DDX19A: variants seen among roughly 807,000 people sequenced by gnomAD.
DDX19A encodes the protein DEAD-box helicase 19A.
In DDX19A, 12 loss-of-function variants were observed where a neutral mutation model predicts 60.6. The ratio of observed to expected loss-of-function variants is 0.20; its 90% CI spans 0.13 to 0.32. The LOEUF is 0.32. Ranked by LOEUF, DDX19A falls within the 10% of genes least tolerant of loss-of-function variation. The pLI is 1.00. For synonymous variants in DDX19A, 206 were observed against 218.2 expected (o/e 0.94, Z 0.49); for missense variants, 337 against 600.6 (o/e 0.56, Z 4.59).
At position 70,366,611 on chromosome 16, in the gene DDX19A, C is replaced by A. The variant is rs769304566; in HGVS notation, c.783-13C>A. 1.9e-6 allele frequency: 3 copies of A among 1,614,100 alleles called. No homozygotes were observed. The highest frequency in any genetic ancestry group is 2.5e-6 in the Non-Finnish European group (3 of 1,179,976). On this transcript the variant is annotated splice_polypyrimidine_tract_variant and intron_variant, in intron 8 of 11. Transcript: ENST00000302243. ...GGCCACCTGGGGCCATCTACCCGGG[C>A]CTTCCCTTGCAGGATGCTGCCCAGG... is the stretch of plus-strand genomic sequence containing the variant.
At chr16:70,371,224 A>C (rs539518257) in intron 10 of DDX19A, 148 bp from the exon 11 acceptor site, 1 of 1,393,870 alleles carries the variant, frequency 7.2e-7, no homozygotes, top group Admixed American at 2.1e-5. Context: ...GCCTGCCTAT[A>C]TGTGTGCCCT....
In DDX19A at chr16:70,371,224, ATG is replaced by A. The variant is rs561732639; in HGVS notation, c.1184-143_1184-142del. 3.5e-4 allele frequency: 483 copies of A among 1,393,864 alleles called. 3 individuals are homozygous for A. Among genetic ancestry groups the A allele is most frequent in the African/African-American group, 2.9e-3 (201 of 70,324 alleles). The allele number at this position is 1,393,864 out of a possible 1,614,324, so 86.3% of individuals were successfully genotyped here. ...CCTCTGGGTTCTGTTGCCTGCCTAT[ATG>A]TGTGCCCTCTCTTGTACCCAGAGTT... On this transcript the variant is annotated intron_variant, in intron 10 of 11. Transcript: ENST00000302243.
intron 4 of DDX19A, among the ~76,000 whole-genome samples, chr16:70,357,362 GTTTGTTTTTTTTTT>G (rs1373186240): frequency 0.025 from 1,217 of 48,828 alleles, 37 homozygotes; most frequent in African/African-American, 0.092. Flanking sequence ...TCTGTTTTTG[GTTTGTTTTTTTTTT>G]TTTTTTTTTT....
chr16:70,353,794 G>A (rs767184251), intron 2 of DDX19A, among the ~76,000 whole-genome samples: 1 of 151,778 alleles, frequency 6.6e-6, no homozygotes. Flanking sequence ...CCAGCTACTC[G>A]GGAGGCTGAG....
chr16:70,365,509 A>G (rs900574657), intron 7 of DDX19A: 3 of 191,388 alleles, frequency 1.6e-5, no homozygotes, highest in Non-Finnish European at 3.2e-5. Context: ...AAGCAAAACC[A>G]GGTACAGTGG....
intron 5 of DDX19A, among the ~76,000 whole-genome samples, chr16:70,363,013 CAAAA>C (rs774331485): frequency 5.9e-5 from 5 of 84,818 alleles, no homozygotes; most frequent in Non-Finnish European, 9.5e-5. Flanking sequence ...GACTCTGTCT[CAAAA>C]AAAAAAAAAA....
intron 4 of DDX19A, among the ~76,000 whole-genome samples, chr16:70,357,530 C>A (rs369364721): frequency 6.6e-6 from 1 of 151,058 alleles, no homozygotes; most frequent in Non-Finnish European, 1.5e-5. Flanking sequence ...GGACTACAGG[C>A]GTGTGCCACA....
rs771583821 is a variant in DDX19A, at chr16:70,346,923, A to G, written c.-69A>G. ...GAGGTGCATTCTCGCGCCGGTGGCG[A>G]GGTTAGGGCCCGCGTTGCGACGTGG... On this transcript the variant is annotated 5_prime_UTR_variant, in exon 1 of 12. Transcript: ENST00000302243. 1 of 1,505,586 alleles carries G rather than the reference A, an allele frequency of 6.6e-7. No individual in the cohort carries two copies. The highest frequency in any genetic ancestry group is 1.9e-5 in the Admixed American group (1 of 52,704). 93.3% of individuals were successfully genotyped at this position (1,505,586 alleles called of 1,614,324 possible). A position where few individuals can be genotyped will look rare whatever the true frequency, so the allele number is the denominator to read the frequency against.
At chr16:70,347,301 T>C (rs2152221549) in intron 1 of DDX19A, 1 of 550,542 alleles carries the variant, frequency 1.8e-6, no homozygotes, top group East Asian at 3.0e-5. Flanking sequence ...CATTCCTCTA[T>C]TGACCTCCTC....
At chr16:70,360,833 C>G (rs985215163) in intron 4 of DDX19A, 1 of 155,048 alleles carries the variant, frequency 6.4e-6, no homozygotes, top group South Asian at 2.0e-4. Flanking sequence ...ATCACTGCAG[C>G]CTTGACCTCC....
chr16:70,370,615 G>C (rs544847223), intron 10 of DDX19A: 4 of 564,458 alleles, frequency 7.1e-6, no homozygotes, highest in African/African-American at 5.6e-5. Flanking sequence ...AAAATTGCTT[G>C]AACCCTGGAG....
chr16:70,365,887 C>G, intron 7 of DDX19A, 198 bp from the exon 8 acceptor site: 3 of 715,154 alleles, frequency 4.2e-6, no homozygotes, highest in Non-Finnish European at 7.0e-6. Context: ...GGATTTGATC[C>G]TGACCACAGT....
intron 1 of DDX19A, among the ~76,000 whole-genome samples, chr16:70,348,626 CAAAAAAAAAAAA>C (rs1244983371): frequency 2.9e-5 from 1 of 34,894 alleles, no homozygotes; most frequent in Admixed American, 3.0e-4. Context: ...GACTCTGTCT[CAAAAAAAAAAAA>C]AAAAAAAAAA....
intron 5 of DDX19A, 175 bp downstream of exon 5, chr16:70,361,685 C>T (rs1964368025): frequency 3.5e-6 from 2 of 564,522 alleles, no homozygotes; most frequent in Admixed American, 6.6e-5. Context: ...TCTGCCTTTC[C>T]CACTTAACAA....
chr16:70,355,574 A>G, intron 3 of DDX19A, 39 bp downstream of exon 3: 1 of 1,574,318 alleles, frequency 6.4e-7, no homozygotes, highest in South Asian at 1.1e-5. Context: ...AGACGGTATG[A>G]CCCAGGGCTT....
At chr16:70,368,865 A>G (rs571065539) in intron 9 of DDX19A, among the ~76,000 whole-genome samples, 1 of 152,034 alleles carries the variant, frequency 6.6e-6, no homozygotes, top group East Asian at 1.9e-4. Context: ...TGAAGCATCC[A>G]GGGTAGTCTT....
At chr16:70,356,769 G>C (rs187323772) in intron 4 of DDX19A, 4 of 714,708 alleles carry the variant, frequency 5.6e-6, no homozygotes, top group Middle Eastern at 4.5e-4. Context: ...TGGCTATCCT[G>C]TTCTCTTGGT....
intron 4 of DDX19A, among the ~76,000 whole-genome samples, chr16:70,358,232 T>C (rs1353685021): frequency 6.6e-6 from 1 of 152,098 alleles, no homozygotes; most frequent in Non-Finnish European, 1.5e-5. Flanking sequence ...CGTTTCATCA[T>C]GTTGGCCAGG....
chr16:70,360,007 G>A (rs1458915532), intron 4 of DDX19A, among the ~76,000 whole-genome samples: 3 of 151,902 alleles, frequency 2.0e-5, no homozygotes, highest in Admixed American at 1.3e-4. Context: ...ATGGCCGGGC[G>A]CTACAGCTCA....
Sources: gnomAD v4.1 joint callset for allele counts (sites outside exome capture counted in the v4.1 genomes callset) on GRCh38, gnomAD v4.1.1 for gene constraint, MANE v1.5 for transcripts, NCBI Gene and HGNC (gene_info 2026-07-23, HGNC 2026-07-21) for gene names.